Variants in GALNT9 observed in about 807,000 individuals in gnomAD.
The protein encoded by GALNT9 is polypeptide N-acetylgalactosaminyltransferase 9.
Under a neutral mutation model 63.1 loss-of-function variants are expected in GALNT9, and 47 were observed. The ratio of observed to expected loss-of-function variants is 0.75; its 90% CI spans 0.59 to 0.95. The LOEUF (loss-of-function observed/expected upper bound fraction) is 0.95. GALNT9 is among the 40% of genes least tolerant of loss of function. The pLI is 0.00. For synonymous variants in GALNT9, 396 were observed against 365.7 expected, an observed-to-expected ratio of 1.08 and a Z score of -0.94; for missense variants, 829 against 874.8, an observed-to-expected ratio of 0.95 and a Z score of 0.66.
intron 6 of GALNT9, among the ~76,000 whole-genome samples, chr12:132,243,315 C>A (rs1878530064): frequency 2.8e-5 from 4 of 140,980 alleles, no homozygotes; most frequent in South Asian, 2.1e-4. Flanking sequence ...ACCCATTACA[C>A]ACACACCACA....
Position 132,203,623 on chromosome 12 carries a change from C to G in GALNT9, c.1145G>C (p.Arg382Thr). 6.2e-7 allele frequency: 1 copy of G among 1,613,890 alleles called. No homozygotes were observed. The highest frequency in any genetic ancestry group is 8.5e-7 in the Non-Finnish European group (1 of 1,179,824). Residue 382 changes from arginine to threonine, a missense_variant, in exon 7 of 11, where the codon AGG becomes ACG. Transcript: ENST00000328957. ...CSRVAHIERT[R>T]KPYNNDIDYY... ...GTCAATGTCGTTGTTGTAGGGCTTC[C>G]TGGTGCGCTCGATGTGGGCCACGCG... is the stretch of plus-strand genomic sequence containing the variant.
chr12:132,328,422 G>A (rs890200745), intron 1 of GALNT9, among the ~76,000 whole-genome samples: 1 of 152,168 alleles, frequency 6.6e-6, no homozygotes. Flanking sequence ...TTTCTAACGC[G>A]GCCTCGGGCA....
At chr12:132,223,139 ACACACACCACACAACC>A (rs1339687947) in intron 6 of GALNT9, among the ~76,000 whole-genome samples, 12,097 of 29,050 alleles carry the variant, frequency 0.42, 3,850 homozygotes, top group Non-Finnish European at 0.49. Flanking sequence ...CACACCCCAC[ACACACACCACACAACC>A]CACACACCAC....
chr12:132,294,625 G>A (rs920457588), intron 1 of GALNT9, among the ~76,000 whole-genome samples: 1 of 49,482 alleles, frequency 2.0e-5, no homozygotes, highest in Non-Finnish European at 3.7e-5. Flanking sequence ...CTGGGGTCAG[G>A]ACTAAGAGGG....
At chr12:132,298,374 C>T (rs549066122) in intron 1 of GALNT9, among the ~76,000 whole-genome samples, 1 of 151,682 alleles carries the variant, frequency 6.6e-6, no homozygotes, top group African/African-American at 2.4e-5. Flanking sequence ...TGATAACTAA[C>T]CTGCTCCCAC....
Position 132,323,899 on chromosome 12 carries a change from C to T in GALNT9, c.238+5067G>A, listed in dbSNP as rs546035547. 3.3e-5 allele frequency among the ~76,000 whole-genome samples: 5 copies of T among 152,356 alleles called. No individual in the cohort carries two copies. In the South Asian group the frequency reaches 1.0e-3, roughly 32 times the overall value. ...GAAGCGAGACCTGCCGGGGCCGGGACTGAAGCCTCCAGGGCGCTGCAGCTG... is the reference window on the plus strand; with the variant it reads ...GAAGCGAGACCTGCCGGGGCCGGGATTGAAGCCTCCAGGGCGCTGCAGCTG... On this transcript the variant is annotated intron_variant, in intron 1 of 10. Transcript: ENST00000328957.
intron 8 of GALNT9, chr12:132,200,744 C>G: frequency 4.6e-6 from 1 of 215,796 alleles, no homozygotes. Context: ...GTGCATGTAT[C>G]CCTATGTACA....
At position 132,262,568 on chromosome 12, in the gene GALNT9, G is replaced by A. The variant is rs1879438154; in HGVS notation, c.477C>T (p.Phe159=). Residue 159 remains phenylalanine, a synonymous_variant, in exon 3 of 11, where the codon TTC becomes TTT. Transcript: ENST00000328957. ...GGATGACCGACAGCGCCTCATTGAC[G>A]AAGATGAAGACCACGGAGACCTGGG... ...DLPQVSVVFI[F]VNEALSVILR... 7.1e-6 allele frequency: 11 copies of A among 1,551,498 alleles called. No homozygotes were observed. Among genetic ancestry groups the A allele is most frequent in the East Asian group, 2.4e-5 (1 of 40,922 alleles).
chr12:132,281,144 C>A (rs1555241652), intron 2 of GALNT9, among the ~76,000 whole-genome samples: 1 of 152,256 alleles, frequency 6.6e-6, no homozygotes, highest in Non-Finnish European at 1.5e-5. Flanking sequence ...TAGGGTCTCT[C>A]CACCCAAGCT....
At chr12:132,226,360 C>G (rs1877687012) in intron 6 of GALNT9, among the ~76,000 whole-genome samples, 1 of 150,728 alleles carries the variant, frequency 6.6e-6, no homozygotes, top group Admixed American at 6.6e-5. Flanking sequence ...ACCCCATATA[C>G]ACATCCCACA....
At position 132,329,024 on chromosome 12, in the gene GALNT9, A is replaced by G. The variant is rs1555246727; in HGVS notation, c.180T>C (p.Arg60=). 1.2e-5 allele frequency: 19 copies of G among 1,544,404 alleles called. No individual in the cohort carries two copies. The highest frequency in any genetic ancestry group is 1.1e-5 in the Non-Finnish European group (13 of 1,145,786). The change falls in exon 1 of 11, where the codon CGT becomes CGC. Residue 60 remains arginine, a synonymous_variant. Coordinates refer to ENST00000328957, the MANE Select transcript of GALNT9 (RefSeq NM_001122636.2). The part of the protein sequence containing the change: ...RHAKVGTLGD[R]EAILQRLDHL... ...GGTCCAGGCGCTGCAGGATGGCCTC[A>G]CGGTCCCCCAGCGTGCCCACCTTGG...
Position 132,265,690 on chromosome 12 carries a change from C to T in GALNT9, c.420-3065G>A, listed in dbSNP as rs1490382920. Among the ~76,000 whole-genome samples, 1 of 152,154 alleles carries T rather than the reference C, an allele frequency of 6.6e-6. No individual in the cohort carries two copies. Among genetic ancestry groups the T allele is most frequent in the Non-Finnish European group, 1.5e-5 (1 of 68,040 alleles). ...AGGCCCGGGAAAGACAATGAAGATA[C>T]CTTATTCCTGATGTAGCTTCCCCAA... On this transcript the variant is annotated intron_variant, in intron 2 of 10. Transcript: ENST00000328957. The surrounding 1 kb of genome is among the most constrained non-coding windows in gnomAD (Gnocchi z 5.3).
Position 132,243,369 on chromosome 12 carries a change from T to TCTGGTGGGGGCC in GALNT9, c.1077+4540_1077+4541insGGCCCCCACCAG, listed in dbSNP as rs1878536793. 4.2e-5 allele frequency among the ~76,000 whole-genome samples: 4 copies of TCTGGTGGGGGCC among 96,088 alleles called. 1 individual carries two copies. Among genetic ancestry groups the TCTGGTGGGGGCC allele is most frequent in the South Asian group, 4.5e-4 (1 of 2,200 alleles). The allele number at this position is 96,088 out of a possible 152,430, so 63.0% of individuals were successfully genotyped here. The stretch of plus-strand genomic sequence containing the variant: ...ATCAGGGCCCCCAGTGGCCTCAGTG[T>TCTGGTGGGGGCC]CCAGTCCTCCCCGTCCTCCGGAGCT... On this transcript the variant is annotated intron_variant, in intron 6 of 10. Transcript: ENST00000328957.
chr12:132,294,740 G>C (rs1351069617), intron 1 of GALNT9, among the ~76,000 whole-genome samples: 1 of 61,620 alleles, frequency 1.6e-5, no homozygotes. Flanking sequence ...GGTGGGGTCA[G>C]AGCCGCTTGG....
chr12:132,328,479 G>A (rs1339817580), intron 1 of GALNT9, among the ~76,000 whole-genome samples: 4 of 152,216 alleles, frequency 2.6e-5, no homozygotes, highest in Non-Finnish European at 5.9e-5. Context: ...AGCATTTGGG[G>A]TGCCTTCGAA....
intron 2 of GALNT9, among the ~76,000 whole-genome samples, chr12:132,266,396 C>G (rs1555240202): frequency 6.6e-6 from 1 of 152,258 alleles, no homozygotes; most frequent in Non-Finnish European, 1.5e-5. Context: ...AAGAACCTGA[C>G]CCAGCCACCC....
At chr12:132,258,719 A>G (rs4076665) in intron 4 of GALNT9, among the ~76,000 whole-genome samples, 80,611 of 152,110 alleles carry the variant, frequency 0.53, 22,214 homozygotes, top group African/African-American at 0.68. Flanking sequence ...GAGTAGAAGC[A>G]GCCTCGATGG....
chr12:132,270,966 G>C (rs1879840990), intron 2 of GALNT9, among the ~76,000 whole-genome samples: 1 of 151,910 alleles, frequency 6.6e-6, no homozygotes, highest in Non-Finnish European at 1.5e-5. Context: ...GAGAAAGGAG[G>C]GAAGGAGGAG....
At chr12:132,230,812 T>A (rs950096377) in intron 6 of GALNT9, among the ~76,000 whole-genome samples, 192 of 152,348 alleles carry the variant, frequency 1.3e-3, no homozygotes, top group African/African-American at 4.4e-3. Flanking sequence ...ATCGATTTAT[T>A]TTGTTGGTGT....
Sources: allele counts gnomAD v4.1 joint callset (sites outside exome capture counted in the v4.1 genomes callset), GRCh38; gene constraint gnomAD v4.1.1; non-coding constraint Gnocchi (gnomAD v3.1); transcripts MANE v1.5; gene names NCBI Gene and HGNC (gene_info 2026-07-23, HGNC 2026-07-21).